Variants in PCDHGC3 observed in about 807,000 individuals in gnomAD.
PCDHGC3 encodes the protein protocadherin gamma-C3.
PCDHGC3 carries 26 observed loss-of-function variants against 59.2 expected under a neutral mutation model. That is an observed-to-expected ratio of 0.44 (90% confidence interval 0.32 to 0.61). The LOEUF is 0.61. Among genes scored for constraint, PCDHGC3 ranks in the 20% least tolerant of loss-of-function variants. The pLI is 0.05. For missense variants in PCDHGC3, 1,080 were observed against 1,221.8 expected (o/e 0.88, Z 1.73); for synonymous variants, 487 against 519.7 (o/e 0.94, Z 0.86).
Position 141,486,487 on chromosome 5 carries a change from C to G in PCDHGC3, c.2430+7941C>G. The G allele has an allele frequency of 6.2e-7, 1 of 1,614,086 alleles. No homozygotes were observed. The highest frequency in any genetic ancestry group is 1.1e-5 in the South Asian group (1 of 91,074). ...CTGGGAACCCTCCTCTCAGTACCCA[C>G]AGAACTATTTTCCTCAATATTTCAG... On this transcript the variant is annotated intron_variant, in intron 1 of 3. Coordinates refer to ENST00000308177, the MANE Select transcript of PCDHGC3 (RefSeq NM_002588.4). This position sits in a 1 kb window ranked among gnomAD's most constrained non-coding sequence, Gnocchi z 5.0.
Position 141,511,285 on chromosome 5 carries a change from G to C in PCDHGC3, c.*112G>C. On this transcript the variant is annotated 3_prime_UTR_variant, in exon 4 of 4. Coordinates refer to ENST00000308177, the MANE Select transcript of PCDHGC3 (RefSeq NM_002588.4). Reference sequence around the variant, plus strand: ...GGGCTAACCCCCAGAATACTGGTAGGGGCCAAGGCCATGCTCCCCTTGGGA... The same window carrying C: ...GGGCTAACCCCCAGAATACTGGTAGCGGCCAAGGCCATGCTCCCCTTGGGA... 1 of 1,521,904 alleles carries C rather than the reference G, an allele frequency of 6.6e-7. No homozygotes were observed. The highest frequency in any genetic ancestry group is 8.8e-7 in the Non-Finnish European group (1 of 1,131,664). 94.3% of individuals were successfully genotyped at this position (1,521,904 alleles called of 1,614,324 possible).
chr5:141,478,489 C>T lies in PCDHGC3; in HGVS notation c.2373C>T (p.Ser791=), dbSNP rs779457709. 99 of 1,613,162 alleles carry T rather than the reference C, an allele frequency of 6.1e-5. No homozygotes were observed. The highest frequency in any genetic ancestry group is 8.1e-5 in the Non-Finnish European group (95 of 1,179,592). The change falls in exon 1 of 4, where the codon AGC becomes AGT. Residue 791 remains serine, a synonymous_variant. Coordinates refer to ENST00000308177, the MANE Select transcript of PCDHGC3 (RefSeq NM_002588.4). ...PLASRQNTLR[S]CDPVFYRQVL... is the part of the protein sequence containing the mutation. ...CCAGCCGCCAGAACACGCTGCGGAG[C>T]TGTGATCCGGTGTTCTATAGGCAGG...
In PCDHGC3 at chr5:141,485,869, G is replaced by A; in HGVS notation, c.2430+7323G>A. On this transcript the variant is annotated intron_variant, in intron 1 of 3. Coordinates refer to ENST00000308177, the MANE Select transcript of PCDHGC3 (RefSeq NM_002588.4). The surrounding 1 kb of genome is among the most constrained non-coding windows in gnomAD (Gnocchi z 5.7). ...GCACCGCAGAGCTCCGGGTATCCGT[G>A]CTGGACGTAAACGACAACGCCCCAG... is the stretch of plus-strand genomic sequence containing the variant. 1 of 1,614,176 alleles carries A rather than the reference G, an allele frequency of 6.2e-7. No individual in the cohort carries two copies. The highest frequency in any genetic ancestry group is 8.5e-7 in the Non-Finnish European group (1 of 1,180,040).
Position 141,499,029 on chromosome 5 carries a change from A to AAGGAAGG in PCDHGC3, c.2489+4165_2489+4166insGGAAGGA, listed in dbSNP as rs1562187768. Among the ~76,000 whole-genome samples, 348 of 140,068 alleles carry AAGGAAGG rather than the reference A, an allele frequency of 2.5e-3. 2 individuals carry two copies. The highest frequency in any genetic ancestry group is 9.3e-3 in the African/African-American group (335 of 36,066). The allele number at this position is 140,068 out of a possible 152,430, so 91.9% of individuals were successfully genotyped here. ...GGAAGGAAGGAAGGAAGGAAGGAAG[A>AAGGAAGG]AAAGAAAGAAAAAGGGAGAAAAAAT... is the stretch of plus-strand genomic sequence containing the variant. On this transcript the variant is annotated intron_variant, in intron 2 of 3. Transcript: ENST00000308177.
At chr5:141,494,902 C>A (rs2099757367) in intron 2 of PCDHGC3, 37 bp downstream of exon 2, 1 of 1,614,024 alleles carries the variant, frequency 6.2e-7, no homozygotes, top group East Asian at 2.2e-5. Context: ...CTCTTCTCTG[C>A]GGCATTTTCT....
chr5:141,511,485 C>T lies in PCDHGC3; in HGVS notation c.*312C>T, dbSNP rs1324849800. 1.8e-5 allele frequency: 8 copies of T among 453,300 alleles called. No individual in the cohort carries two copies. The highest frequency in any genetic ancestry group is 1.2e-4 in the African/African-American group (6 of 50,332). The allele number at this position is 453,300 out of a possible 1,614,324, so 28.1% of individuals were successfully genotyped here. A position where few individuals can be genotyped will look rare whatever the true frequency, so the allele number is the denominator to read the frequency against. On this transcript the variant is annotated 3_prime_UTR_variant, in exon 4 of 4. Coordinates refer to ENST00000308177, the MANE Select transcript of PCDHGC3 (RefSeq NM_002588.4). Reference sequence around the variant, plus strand: ...ACCCCGTTTAGTTACAGCTGAACTCCTCCATCTTCCAAATCAATCAGGCCC... The same window carrying T: ...ACCCCGTTTAGTTACAGCTGAACTCTTCCATCTTCCAAATCAATCAGGCCC...
chr5:141,501,327 AC>A (rs1208116606), intron 2 of PCDHGC3, among the ~76,000 whole-genome samples: 2 of 151,364 alleles, frequency 1.3e-5, no homozygotes, highest in Non-Finnish European at 2.9e-5. Context: ...ACACACACAC[AC>A]ACACACCCCA....
At chr5:141,479,619 T>C (rs1327758222) in intron 1 of PCDHGC3, 1 of 152,220 alleles carries the variant, frequency 6.6e-6, no homozygotes, top group Non-Finnish European at 1.5e-5. Flanking sequence ...AGGGAAACCA[T>C]GTCTCTTTAA....
In PCDHGC3 at chr5:141,477,453, A is replaced by T; in HGVS notation, c.1337A>T (p.Gln446Leu). The change falls in exon 1 of 4, where the codon CAA becomes CTA. Residue 446 changes from glutamine (Q) to leucine (L), a missense_variant. Gln to Leu is a moderately radical substitution (Grantham distance 113, BLOSUM62 -2). Transcript: ENST00000308177. This position sits in a 1 kb window ranked among gnomAD's most constrained non-coding sequence, Gnocchi z 4.9. Reference sequence around the variant, plus strand: ...TCAGCCCTTACAATAGTGCGTGTTCAAGTGTCCGACATCAATGACAACCCT... The same window carrying T: ...TCAGCCCTTACAATAGTGCGTGTTCTAGTGTCCGACATCAATGACAACCCT... ...SLSALTIVRV[Q>L]VSDINDNPPQ... The T allele has an allele frequency of 6.2e-7, 1 of 1,614,136 alleles. No homozygotes were observed. The highest frequency in any genetic ancestry group is 8.5e-7 in the Non-Finnish European group (1 of 1,180,026).
chr5:141,490,346 TG>T lies in PCDHGC3; in HGVS notation c.2431-4457del, dbSNP rs1458588422. ...GAGAGCACACCAGTGGGCACAGTAG[TG>T]GGGTTGTTTAATGTGCGAGACCGGG... On this transcript the variant is annotated intron_variant, in intron 1 of 3. Coordinates refer to ENST00000308177, the MANE Select transcript of PCDHGC3 (RefSeq NM_002588.4). The surrounding 1 kb of genome is among the most constrained non-coding windows in gnomAD (Gnocchi z 5.4). 1.2e-6 allele frequency: 2 copies of T among 1,614,164 alleles called. No individual in the cohort carries two copies. The highest frequency in any genetic ancestry group is 3.3e-5 in the Admixed American group (2 of 60,032).
intron 1 of PCDHGC3, among the ~76,000 whole-genome samples, chr5:141,492,922 T>C (rs1191111432): frequency 1.3e-5 from 2 of 152,194 alleles, no homozygotes; most frequent in Non-Finnish European, 2.9e-5. Context: ...TGCCCAGCGA[T>C]CTAGGGTCAG....
At position 141,491,318 on chromosome 5, in the gene PCDHGC3, A is replaced by C; in HGVS notation, c.2431-3489A>C. The C allele has an allele frequency of 6.2e-7, 1 of 1,613,862 alleles. No individual in the cohort carries two copies. The highest frequency in any genetic ancestry group is 8.5e-7 in the Non-Finnish European group (1 of 1,179,916). On this transcript the variant is annotated intron_variant, in intron 1 of 3. Transcript: ENST00000308177. The surrounding 1 kb of genome is among the most constrained non-coding windows in gnomAD (Gnocchi z 6.9). ...CCTGAGCGTTCAGACCTTACCCTTT[A>C]CCTCATTGTGGCTCTAGCGACCGTC...
intron 3 of PCDHGC3, among the ~76,000 whole-genome samples, chr5:141,510,230 G>A (rs1285202719): frequency 2.7e-5 from 4 of 149,638 alleles, no homozygotes; most frequent in Non-Finnish European, 5.9e-5. Context: ...CCGGGATCGC[G>A]CCACTGCACT....
chr5:141,477,427 C>T lies in PCDHGC3; in HGVS notation c.1311C>T (p.Leu437=). The change falls in exon 1 of 4, where the codon CTC becomes CTT. Residue 437 remains leucine (L), a synonymous_variant. Coordinates refer to ENST00000308177, the MANE Select transcript of PCDHGC3 (RefSeq NM_002588.4). The surrounding 1 kb of genome is among the most constrained non-coding windows in gnomAD (Gnocchi z 4.9). ...ITARDAGTPS[L]SALTIVRVQV... is the part of the protein sequence containing the mutation. ...CCCGAGACGCCGGAACCCCTTCCCT[C>T]TCAGCCCTTACAATAGTGCGTGTTC... The T allele has an allele frequency of 6.2e-7, 1 of 1,614,220 alleles. No homozygotes were observed. The highest frequency in any genetic ancestry group is 8.5e-7 in the Non-Finnish European group (1 of 1,180,046).
Position 141,511,349 on chromosome 5 carries a change from C to T in PCDHGC3, c.*176C>T, listed in dbSNP as rs1463242262. The T allele has an allele frequency of 2.1e-6, 3 of 1,401,380 alleles. No homozygotes were observed. The highest frequency in any genetic ancestry group is 2.9e-5 in the African/African-American group (2 of 68,826). 86.8% of individuals were successfully genotyped at this position (1,401,380 alleles called of 1,614,324 possible). The stretch of plus-strand genomic sequence containing the variant: ...GCCCAGTCAGCACCTACCCCTTCCC[C>T]CCCAGGGGGTTGAATATGCAAAAGC... On this transcript the variant is annotated 3_prime_UTR_variant, in exon 4 of 4. Transcript: ENST00000308177.
chr5:141,508,647 C>T (rs1301017914), intron 3 of PCDHGC3, among the ~76,000 whole-genome samples: 4 of 152,090 alleles, frequency 2.6e-5, no homozygotes, highest in African/African-American at 9.7e-5. Flanking sequence ...CTCCGTCAGG[C>T]CCTTCCTGTC....
At chr5:141,510,124 A>G (rs2099879540) in intron 3 of PCDHGC3, among the ~76,000 whole-genome samples, 1 of 152,156 alleles carries the variant, frequency 6.6e-6, no homozygotes, top group Admixed American at 6.5e-5. Context: ...AAATACAAAA[A>G]TTAGCTGGGC....
chr5:141,487,404 C>A lies in PCDHGC3; in HGVS notation c.2431-7403C>A, dbSNP rs771371344. 1.2e-6 allele frequency: 2 copies of A among 1,614,178 alleles called. No homozygotes were observed. Among genetic ancestry groups the A allele is most frequent in the Non-Finnish European group, 1.7e-6 (2 of 1,180,032 alleles). ...AGATCTCGAAGGAGGGAGGGGCTTC[C>A]CCCTTCCAATGGGATCCTCCGAATC... is the stretch of plus-strand genomic sequence containing the variant. On this transcript the variant is annotated intron_variant, in intron 1 of 3. Coordinates refer to ENST00000308177, the MANE Select transcript of PCDHGC3 (RefSeq NM_002588.4). The surrounding 1 kb of genome is among the most constrained non-coding windows in gnomAD (Gnocchi z 5.0).
Position 141,476,416 on chromosome 5 carries a change from A to G in PCDHGC3, c.300A>G (p.Thr100=). Residue 100 remains threonine (T), a synonymous_variant, in exon 1 of 4, where the codon ACA becomes ACG. Coordinates refer to ENST00000308177, the MANE Select transcript of PCDHGC3 (RefSeq NM_002588.4). The surrounding 1 kb of genome is among the most constrained non-coding windows in gnomAD (Gnocchi z 7.6). ...TGGATCGAGAGGAGCTGTGTGGGAC[A>G]CTGCCCTCTTGCACTGTAACTCTGG... ...DRLDREELCG[T]LPSCTVTLEL... is the part of the protein sequence containing the mutation. 1 of 1,614,056 alleles carries G rather than the reference A, an allele frequency of 6.2e-7. No individual in the cohort carries two copies. The highest frequency in any genetic ancestry group is 8.5e-7 in the Non-Finnish European group (1 of 1,179,994).
Sources: allele counts gnomAD v4.1 joint callset (sites outside exome capture counted in the v4.1 genomes callset), GRCh38; gene constraint gnomAD v4.1.1; non-coding constraint Gnocchi (gnomAD v3.1); transcripts MANE v1.5; gene names NCBI Gene and HGNC (gene_info 2026-07-23, HGNC 2026-07-21).